IPO7: variants seen among roughly 807,000 people sequenced by gnomAD.
IPO7 encodes importin-7.
IPO7 carries 13 observed loss-of-function variants against 136.4 expected under a neutral mutation model. That is an observed-to-expected ratio of 0.10 (90% confidence interval 0.06 to 0.15). The LOEUF (loss-of-function observed/expected upper bound fraction) is 0.15, where lower values mean the gene tolerates loss of function less well. Among genes scored for constraint, IPO7 ranks in the 10% least tolerant of loss-of-function variants. The probability of loss-of-function intolerance (pLI) is 1.00; values close to 1 mark genes in which losing one functional copy is unlikely to be tolerated. For synonymous variants in IPO7, 403 were observed against 404.4 expected (o/e 1.00, Z 0.04); for missense variants, 857 against 1,240.6 (o/e 0.69, Z 4.65).
At chr11:9,407,197 A>G (rs1258694214) in intron 2 of IPO7, among the ~76,000 whole-genome samples, 2 of 152,178 alleles carry the variant, frequency 1.3e-5, no homozygotes, top group Admixed American at 6.5e-5. Context: ...GTTTTGGAGA[A>G]AAAGAACCAA....
intron 1 of IPO7, among the ~76,000 whole-genome samples, chr11:9,393,515 G>A (rs1356231715): frequency 6.6e-6 from 1 of 152,086 alleles, no homozygotes; most frequent in Non-Finnish European, 1.5e-5. Flanking sequence ...TAGTAGCTGG[G>A]ATAACAAGGC....
chr11:9,403,313 C>T lies in IPO7; in HGVS notation c.108C>T (p.Val36=). Reference sequence around the variant, plus strand: ...AGGCACACAAGTCTCTGAATTTTGTCTCAACACTGCTCCAGATTACTATGT... The same window carrying T: ...AGGCACACAAGTCTCTGAATTTTGTTTCAACACTGCTCCAGATTACTATGT... ...LNEAHKSLNF[V]STLLQITMSE... The change falls in exon 2 of 25, where the codon GTC becomes GTT. Residue 36 remains valine (V), a synonymous_variant. Coordinates refer to ENST00000379719, the MANE Select transcript of IPO7 (RefSeq NM_006391.3). The T allele has an allele frequency of 6.2e-7, 1 of 1,613,518 alleles. No individual in the cohort carries two copies. Among genetic ancestry groups the T allele is most frequent in the East Asian group, 2.2e-5 (1 of 44,862 alleles).
chr11:9,397,341 A>AAAAAAAAAATAT, intron 1 of IPO7, among the ~76,000 whole-genome samples: 7 of 10,762 alleles, frequency 6.5e-4, no homozygotes, highest in Non-Finnish European at 1.1e-3. Context: ...TTTAAAAAAA[A>AAAAAAAAAATAT]ATATATATAT....
intron 12 of IPO7, among the ~76,000 whole-genome samples, chr11:9,426,043 C>T (rs918098286): frequency 1.3e-5 from 2 of 151,482 alleles, no homozygotes; most frequent in Middle Eastern, 3.4e-3. Flanking sequence ...ACAGAGACTC[C>T]GTCTCAAAAA....
At position 9,429,346 on chromosome 11, in the gene IPO7, A is replaced by T. The variant is rs1057317182; in HGVS notation, c.1591+150A>T. On this transcript the variant is annotated intron_variant, in intron 14 of 24. Transcript: ENST00000379719. ...CCTGGGCAACATCTCTACAAAAAAA[A>T]TTTTTAAAAATTAACTGGACATAGT... The T allele has an allele frequency of 7.1e-4, 465 of 655,232 alleles. 2 individuals are homozygous for T. Among genetic ancestry groups the T allele is most frequent in the Non-Finnish European group, 1.0e-3 (405 of 388,434 alleles). 40.6% of individuals were successfully genotyped at this position (655,232 alleles called of 1,614,324 possible).
In IPO7 at chr11:9,408,495, A is replaced by C; in HGVS notation, c.176A>C (p.Tyr59Ser). The C allele has an allele frequency of 6.4e-7, 1 of 1,562,042 alleles. No individual in the cohort carries two copies. Among genetic ancestry groups the C allele is most frequent in the Non-Finnish European group, 8.6e-7 (1 of 1,157,440 alleles). The change falls in exon 3 of 25, where the codon TAT (tyrosine) becomes TCT (serine). Residue 59 changes from tyrosine (Y) to serine (S), a missense_variant. Tyr to Ser is a moderately radical substitution (Grantham distance 144, BLOSUM62 -2). Around this residue, in one of 11 missense-constraint regions of IPO7, gnomAD observed 3 missense variants for 17.4 expected, o/e 0.17. Coordinates refer to ENST00000379719, the MANE Select transcript of IPO7 (RefSeq NM_006391.3). ...DLPVRQAGVI[Y>S]LKNMITQYWP... ...CTGATCTGTATTTTAGGTGTTATCTATCTGAAAAATATGATAACACAGTAT... is the reference window on the plus strand; with the variant it reads ...CTGATCTGTATTTTAGGTGTTATCTCTCTGAAAAATATGATAACACAGTAT...
rs202038310 is a variant in IPO7 at position 9,438,045 on chromosome 11, G to GTT, written c.2490-4_2490-3dup. On this transcript the variant is annotated intron_variant, in intron 21 of 24. Transcript: ENST00000379719. The stretch of plus-strand genomic sequence containing the variant: ...TCTGCTTATTTAAGAAAAGAAAACA[G>GTT]TTTTTTTTTTTTTTTTTTTTTTTTT... 8,000 of 1,084,978 alleles carry GTT rather than the reference G, an allele frequency of 7.4e-3. 232 individuals are homozygous for GTT. The highest frequency in any genetic ancestry group is 0.029 in the African/African-American group (956 of 32,996). 67.2% of individuals were successfully genotyped at this position (1,084,978 alleles called of 1,614,324 possible). A position where few individuals can be genotyped will look rare whatever the true frequency, so the allele number is the denominator to read the frequency against.
At chr11:9,417,300 T>G in intron 6 of IPO7, 152 bp downstream of exon 6, 1 of 471,006 alleles carries the variant, frequency 2.1e-6, no homozygotes, top group Non-Finnish European at 3.8e-6. Flanking sequence ...TTCATTTGTT[T>G]ATATATGCAT....
At chr11:9,406,700 G>T (rs1854893086) in intron 2 of IPO7, among the ~76,000 whole-genome samples, 2 of 152,012 alleles carry the variant, frequency 1.3e-5, no homozygotes, top group Admixed American at 6.6e-5. Context: ...GTGAAACCCT[G>T]TCTCTACTAA....
At chr11:9,439,137 C>T (rs556467721) in intron 22 of IPO7, among the ~76,000 whole-genome samples, 1 of 152,080 alleles carries the variant, frequency 6.6e-6, no homozygotes, top group African/African-American at 2.4e-5. Flanking sequence ...TCCTTTGAGA[C>T]GGAGTTTTGC....
At chr11:9,391,799 A>G (rs1275279745) in intron 1 of IPO7, among the ~76,000 whole-genome samples, 1 of 152,138 alleles carries the variant, frequency 6.6e-6, no homozygotes, top group African/African-American at 2.4e-5. Context: ...AGGGTTTCAC[A>G]CTGTTACCCA....
intron 11 of IPO7, 29 bp from the exon 12 acceptor site, chr11:9,425,117 A>C (rs766679471): frequency 2.8e-6 from 4 of 1,431,168 alleles, no homozygotes; most frequent in African/African-American, 2.8e-5. Context: ...TGGCCTATTC[A>C]GTAACAATAC....
intron 4 of IPO7, among the ~76,000 whole-genome samples, 164 bp downstream of exon 4, chr11:9,410,250 T>C (rs1349093073): frequency 6.6e-6 from 1 of 152,220 alleles, no homozygotes; most frequent in Non-Finnish European, 1.5e-5. Flanking sequence ...GCATTCTAAC[T>C]CCGCAGTTGC....
chr11:9,418,612 G>T lies in IPO7; in HGVS notation c.726+1464G>T, dbSNP rs1590439932. Among the ~76,000 whole-genome samples the T allele has an allele frequency of 2.6e-5, 4 of 152,132 alleles. No individual in the cohort carries two copies. The East Asian group carries it at 7.7e-4, about 29-fold the overall frequency. On this transcript the variant is annotated intron_variant, in intron 6 of 24. Coordinates refer to ENST00000379719, the MANE Select transcript of IPO7 (RefSeq NM_006391.3). ...TTTCTACACCCTCCATAGGAAACTAGTTTGGTGTATATTTTTCTTTGCACA... is the reference window on the plus strand; with the variant it reads ...TTTCTACACCCTCCATAGGAAACTATTTTGGTGTATATTTTTCTTTGCACA...
chr11:9,440,135 A>G (rs1486518190), intron 22 of IPO7, among the ~76,000 whole-genome samples: 1 of 152,216 alleles, frequency 6.6e-6, no homozygotes, highest in Non-Finnish European at 1.5e-5. Flanking sequence ...TTTGTCTTTT[A>G]TCATTTACTA....
chr11:9,420,249 G>A (rs549950415), intron 6 of IPO7, 162 bp from the exon 7 acceptor site: 28 of 527,978 alleles, frequency 5.3e-5, no homozygotes, highest in Middle Eastern at 5.0e-4. Flanking sequence ...CTCGGGAGGC[G>A]GAGCTTGCAG....
intron 24 of IPO7, among the ~76,000 whole-genome samples, chr11:9,444,836 CAAAA>C (rs1044435694): frequency 8.4e-5 from 6 of 71,096 alleles, no homozygotes; most frequent in Admixed American, 1.5e-4. Context: ...GACTCTGTCT[CAAAA>C]AAAAAAAAAA....
At chr11:9,426,491 A>G (rs961348563) in intron 12 of IPO7, among the ~76,000 whole-genome samples, 4 of 152,172 alleles carry the variant, frequency 2.6e-5, no homozygotes, top group African/African-American at 7.2e-5. Flanking sequence ...TTATGTGGAC[A>G]TACGTTTTCA....
At chr11:9,437,496 C>T (rs1048728842) in intron 20 of IPO7, among the ~76,000 whole-genome samples, 3 of 151,542 alleles carry the variant, frequency 2.0e-5, no homozygotes, top group African/African-American at 4.9e-5. Context: ...CCTCGTGATC[C>T]GCCTGCCTCA....
Sources: allele counts gnomAD v4.1 joint callset (sites outside exome capture counted in the v4.1 genomes callset), GRCh38; gene constraint gnomAD v4.1.1; regional missense constraint gnomAD v4.1.1; transcripts MANE v1.5; gene names NCBI Gene and HGNC (gene_info 2026-07-23, HGNC 2026-07-21).